CFAP91: variants seen among roughly 807,000 people sequenced by gnomAD.
The protein encoded by CFAP91 is cilia- and flagella-associated protein 91.
CFAP91 carries 85 observed loss-of-function variants against 95.9 expected under a neutral mutation model. The observed-to-expected ratio is 0.89, with a 90% CI of 0.74 to 1.06. The LOEUF is 1.06. CFAP91 is among the 50% of genes least tolerant of loss of function. CFAP91 has a pLI of 0.00. For missense variants in CFAP91, 962 were observed against 943.4 expected (o/e 1.02, Z -0.26); for synonymous variants, 335 against 327.5 (o/e 1.02, Z -0.25).
intron 13 of CFAP91, among the ~76,000 whole-genome samples, chr3:119,741,049 G>A (rs921615539): frequency 5.9e-5 from 9 of 151,998 alleles, no homozygotes; most frequent in South Asian, 2.1e-4. Flanking sequence ...ATGGGGTTTC[G>A]CCATATTGGC....
chr3:119,740,489 T>C, intron 12 of CFAP91, 60 bp from the exon 13 acceptor site: 2 of 1,587,264 alleles, frequency 1.3e-6, no homozygotes, highest in East Asian at 2.2e-5. Flanking sequence ...GTGTGACTCC[T>C]AGTGCTTGGC....
At chr3:119,719,734 G>A (rs1009319398) in intron 6 of CFAP91, among the ~76,000 whole-genome samples, 2 of 152,186 alleles carry the variant, frequency 1.3e-5, no homozygotes, top group African/African-American at 2.4e-5. Flanking sequence ...GGGATAGAAA[G>A]GGGGACAGAG....
In CFAP91 at chr3:119,707,441, T is replaced by C; in HGVS notation, c.239T>C (p.Leu80Pro). Residue 80 changes from leucine (L) to proline (P), a missense_variant, in exon 3 of 18, where the codon CTG (leucine) becomes CCG (proline). By Grantham distance (98) the Leu-to-Pro change is moderately conservative (BLOSUM62 -3). Coordinates refer to ENST00000273390, the MANE Select transcript of CFAP91 (RefSeq NM_033364.4). ...AGGTTTAAAACCATGTTCAGTAACC[T>C]GATCCATTATCCAAGATATTCTCTA... Reference protein sequence around the residue: ...VPRFKTMFSNLIHYPRYSLYW... With the variant: ...VPRFKTMFSNPIHYPRYSLYW... 6.3e-7 allele frequency: 1 copy of C among 1,586,902 alleles called. No individual in the cohort carries two copies. Among genetic ancestry groups the C allele is most frequent in the East Asian group, 2.3e-5 (1 of 44,428 alleles).
At chr3:119,735,490 T>C (rs560608215) in intron 10 of CFAP91, among the ~76,000 whole-genome samples, 1 of 152,358 alleles carries the variant, frequency 6.6e-6, no homozygotes, top group South Asian at 2.1e-4. Flanking sequence ...TTTTTTAATC[T>C]GTGAGTATTT....
chr3:119,744,369 C>T (rs985515287), intron 14 of CFAP91, among the ~76,000 whole-genome samples, 173 bp downstream of exon 14: 7 of 152,188 alleles, frequency 4.6e-5, no homozygotes, highest in South Asian at 4.1e-4. Context: ...AACCCAGACA[C>T]GATCCCGTCT....
rs572872890 is a variant in CFAP91 at position 119,747,979 on chromosome 3, T to C, written c.2143+77T>C. On this transcript the variant is annotated intron_variant, in intron 16 of 17. Transcript: ENST00000273390. ...TTTCAATATCCCAGAGATTTAAAAT[T>C]AAACAGAGGGATGAGGAAATTTCTA... 1,341 of 1,122,162 alleles carry C rather than the reference T, an allele frequency of 1.2e-3. 30 individuals are homozygous for C. In the South Asian group the frequency reaches 0.018, roughly 15 times the overall value. 69.5% of individuals were successfully genotyped at this position (1,122,162 alleles called of 1,614,324 possible).
At position 119,730,601 on chromosome 3, in the gene CFAP91, AGTGTGTGTGTGTGTGTGT is replaced by A. The variant is rs60453079; in HGVS notation, c.1018+256_1018+273del. Among the ~76,000 whole-genome samples the A allele has an allele frequency of 5.9e-3, 811 of 137,200 alleles. 3 individuals are homozygous for A. The highest frequency in any genetic ancestry group is 0.02 in the African/African-American group (752 of 37,022). 90.0% of individuals were successfully genotyped at this position (137,200 alleles called of 152,430 possible). A position where few individuals can be genotyped will look rare whatever the true frequency, so the allele number is the denominator to read the frequency against. On this transcript the variant is annotated intron_variant, in intron 8 of 17. Coordinates refer to ENST00000273390, the MANE Select transcript of CFAP91 (RefSeq NM_033364.4). ...TAACAGGTAGTCGAGTTACTGAGATAGTGTGTGTGTGTGTGTGTGTGTGTGTGTGTGTGTGTGTGTGTG... is the reference window on the plus strand; with the variant it reads ...TAACAGGTAGTCGAGTTACTGAGATAGTGTGTGTGTGTGTGTGTGTGTGTG...
chr3:119,720,439 T>G (rs747225287), intron 6 of CFAP91, among the ~76,000 whole-genome samples: 3 of 151,720 alleles, frequency 2.0e-5, no homozygotes, highest in Non-Finnish European at 4.4e-5. Context: ...ATTATACAAT[T>G]TTTAAAGAAA....
At chr3:119,720,044 C>T (rs2107869825) in intron 6 of CFAP91, among the ~76,000 whole-genome samples, 1 of 150,508 alleles carries the variant, frequency 6.6e-6, no homozygotes, top group Admixed American at 6.7e-5. Context: ...CACTGTGCTC[C>T]AGCCTGGGTG....
At position 119,733,507 on chromosome 3, in the gene CFAP91, G is replaced by A; in HGVS notation, c.1344+1G>A. On this transcript the variant is annotated splice_donor_variant, in intron 10 of 17. Coordinates refer to ENST00000273390, the MANE Select transcript of CFAP91 (RefSeq NM_033364.4). LOFTEE classifies it high-confidence loss of function. The stretch of plus-strand genomic sequence containing the variant: ...CTATGAGTTGGCAGAGGTTCATAAG[G>A]TATAATCATTATCTGGAGGACAAAA... The A allele has an allele frequency of 6.2e-7, 1 of 1,607,984 alleles. No individual in the cohort carries two copies. The highest frequency in any genetic ancestry group is 8.5e-7 in the Non-Finnish European group (1 of 1,178,398).
chr3:119,716,511 A>T (rs2053577301), intron 6 of CFAP91, among the ~76,000 whole-genome samples: 1 of 152,232 alleles, frequency 6.6e-6, no homozygotes, highest in Non-Finnish European at 1.5e-5. Flanking sequence ...CCAGACAAAG[A>T]AGATGTTCAT....
In CFAP91 at chr3:119,738,332, C is replaced by CTTTTTTTTTTT. The variant is rs556125660; in HGVS notation, c.1461+874_1461+884dup. Among the ~76,000 whole-genome samples, 99 of 23,072 alleles carry CTTTTTTTTTTT rather than the reference C, an allele frequency of 4.3e-3. 38 individuals carry two copies. The highest frequency in any genetic ancestry group is 0.012 in the East Asian group (6 of 498). The allele number at this position is 23,072 out of a possible 152,430, so 15.1% of individuals were successfully genotyped here. On this transcript the variant is annotated intron_variant, in intron 11 of 17. Coordinates refer to ENST00000273390, the MANE Select transcript of CFAP91 (RefSeq NM_033364.4). ...TGCAGGGCTTTGGTTGACATATTGT[C>CTTTTTTTTTTT]TTTTTTTTTTTTTTTTTTTTTTTTT...
intron 17 of CFAP91, among the ~76,000 whole-genome samples, chr3:119,760,588 C>A (rs1465103353): frequency 1.3e-5 from 2 of 151,816 alleles, no homozygotes; most frequent in East Asian, 3.8e-4. Flanking sequence ...AATACACATT[C>A]TTCTCAAATA....
At chr3:119,704,108 A>G (rs765135104) in intron 1 of CFAP91, among the ~76,000 whole-genome samples, 1 of 152,202 alleles carries the variant, frequency 6.6e-6, no homozygotes, top group African/African-American at 2.4e-5. Context: ...TATTCTGGCC[A>G]GTGTTTTTCT....
At chr3:119,714,155 G>T (rs181109711) in intron 5 of CFAP91, among the ~76,000 whole-genome samples, 2 of 152,128 alleles carry the variant, frequency 1.3e-5, no homozygotes, top group South Asian at 4.1e-4. Flanking sequence ...GAGGTCAGGA[G>T]ATCGGGACCA....
At chr3:119,731,653 A>G (rs1337820407) in intron 8 of CFAP91, among the ~76,000 whole-genome samples, 4 of 152,198 alleles carry the variant, frequency 2.6e-5, no homozygotes, top group Non-Finnish European at 5.9e-5. Flanking sequence ...TGACGTCACG[A>G]TCTTGTATAA....
intron 4 of CFAP91, among the ~76,000 whole-genome samples, chr3:119,709,319 A>G (rs999404047): frequency 1.3e-5 from 2 of 152,138 alleles, no homozygotes; most frequent in African/African-American, 4.8e-5. Context: ...TTTATGAGCA[A>G]CCTCCTTATG....
chr3:119,742,023 C>T (rs2054130574), intron 13 of CFAP91, among the ~76,000 whole-genome samples: 1 of 152,134 alleles, frequency 6.6e-6, no homozygotes, highest in African/African-American at 2.4e-5. Flanking sequence ...GAGCAGAATG[C>T]CCTGGAAGCG....
intron 17 of CFAP91, among the ~76,000 whole-genome samples, chr3:119,756,699 A>T (rs776057481): frequency 2.6e-5 from 4 of 152,184 alleles, no homozygotes; most frequent in Non-Finnish European, 5.9e-5. Context: ...TAACTCAATG[A>T]TCCATGACAA....
Sources: allele counts gnomAD v4.1 joint callset (sites outside exome capture counted in the v4.1 genomes callset), GRCh38; gene constraint gnomAD v4.1.1; transcripts MANE v1.5; gene names NCBI Gene and HGNC (gene_info 2026-07-23, HGNC 2026-07-21).